MROH2A: variants seen among roughly 807,000 people sequenced by gnomAD.
MROH2A encodes maestro heat-like repeat-containing protein family member 2A.
In MROH2A, 174 loss-of-function variants were observed where a neutral mutation model predicts 200.4. The ratio of observed to expected loss-of-function variants is 0.87; its 90% CI spans 0.77 to 0.98. MROH2A has a LOEUF of 0.98. Among genes scored for constraint, MROH2A ranks in the 50% least tolerant of loss-of-function variants. The pLI, the probability that MROH2A is intolerant of heterozygous loss-of-function variation, is 0.00. For synonymous variants in MROH2A, 829 were observed against 840.4 expected (o/e 0.99, Z 0.23); for missense variants, 2,045 against 2,139.6 (o/e 0.96, Z 0.87).
intron 26 of MROH2A, among the ~76,000 whole-genome samples, chr2:233,815,472 C>A (rs540054892): frequency 2.0e-5 from 3 of 152,140 alleles, no homozygotes; most frequent in Admixed American, 6.5e-5. Flanking sequence ...TCTAAGAAAC[C>A]GTCCAAAGAT....
rs1240320299 is a variant in MROH2A, at chr2:233,823,679, C to G, written c.4113+15C>G. ...CAGCGGTCTGCGTGGAAATGAGGCA[C>G]CGGGTGTGGGCGGGGTGCAAGCGGA... On this transcript the variant is annotated intron_variant, in intron 35 of 41. Transcript: ENST00000389758. The G allele has an allele frequency of 7.0e-5, 108 of 1,547,846 alleles. No individual in the cohort carries two copies. The highest frequency in any genetic ancestry group is 8.2e-5 in the Non-Finnish European group (94 of 1,145,022).
chr2:233,807,341 C>T lies in MROH2A; in HGVS notation c.2053-82C>T, dbSNP rs768521925. 1.1e-5 allele frequency: 15 copies of T among 1,358,032 alleles called. No individual in the cohort carries two copies. The highest frequency in any genetic ancestry group is 3.0e-5 in the South Asian group (2 of 67,668). The allele number at this position is 1,358,032 out of a possible 1,614,324, so 84.1% of individuals were successfully genotyped here. ...GCACATTAAAATAAATTGAAAAATA[C>T]GTAGAAAACTCTCTACAACAGCACC... On this transcript the variant is annotated intron_variant, in intron 19 of 41. Coordinates refer to ENST00000389758, the MANE Select transcript of MROH2A (RefSeq NM_001394639.1). The surrounding 1 kb of genome is among the most constrained non-coding windows in gnomAD (Gnocchi z 4.3).
intron 24 of MROH2A, among the ~76,000 whole-genome samples, chr2:233,813,245 T>C (rs376347143): frequency 6.6e-6 from 1 of 150,962 alleles, no homozygotes; most frequent in Non-Finnish European, 1.5e-5. Context: ...CCATAGAATT[T>C]GTGTTTCTCA....
Position 233,807,917 on chromosome 2 carries a change from GAC to G in MROH2A, c.2295+66_2295+67del. The G allele has an allele frequency of 6.5e-7, 1 of 1,545,828 alleles. No individual in the cohort carries two copies. The highest frequency in any genetic ancestry group is 1.2e-5 in the South Asian group (1 of 83,776). ...CTCTTAGCACAGTGCTCTGGGCACT[GAC>G]ACAAAGTCCTTTCTAGATCTCAGTA... On this transcript the variant is annotated intron_variant, in intron 21 of 41. Transcript: ENST00000389758. This position sits in a 1 kb window ranked among gnomAD's most constrained non-coding sequence, Gnocchi z 4.3.
In MROH2A at chr2:233,807,305, A is replaced by C; in HGVS notation, c.2053-118A>C. On this transcript the variant is annotated intron_variant, in intron 19 of 41. Coordinates refer to ENST00000389758, the MANE Select transcript of MROH2A (RefSeq NM_001394639.1). This position sits in a 1 kb window ranked among gnomAD's most constrained non-coding sequence, Gnocchi z 4.3. Reference sequence around the variant, plus strand: ...ATTGTGCTGCTGTAAACGTGTGTGCAAGTATCTTCTGCACATTAAAATAAA... The same window carrying C: ...ATTGTGCTGCTGTAAACGTGTGTGCCAGTATCTTCTGCACATTAAAATAAA... 1 of 1,141,946 alleles carries C rather than the reference A, an allele frequency of 8.8e-7. No individual in the cohort carries two copies. Among genetic ancestry groups the C allele is most frequent in the Non-Finnish European group, 1.2e-6 (1 of 831,052 alleles). 70.7% of individuals were successfully genotyped at this position (1,141,946 alleles called of 1,614,324 possible).
At chr2:233,822,803 C>T (rs1453430159) in intron 33 of MROH2A, 78 bp from the exon 34 acceptor site, 1 of 1,516,558 alleles carries the variant, frequency 6.6e-7, no homozygotes, top group Non-Finnish European at 8.9e-7. Context: ...TGGGGCCCCA[C>T]TTCACAGATT....
chr2:233,792,913 C>T lies in MROH2A; in HGVS notation c.670+19C>T. The T allele has an allele frequency of 6.5e-7, 1 of 1,550,130 alleles. No homozygotes were observed. Among genetic ancestry groups the T allele is most frequent in the Non-Finnish European group, 8.7e-7 (1 of 1,146,850 alleles). ...TGCAGTGGTGAGTGTCCCACTTGAG[C>T]CTGCAGGTCTGGCTCGATCAGGGCG... On this transcript the variant is annotated intron_variant, in intron 6 of 41. Coordinates refer to ENST00000389758, the MANE Select transcript of MROH2A (RefSeq NM_001394639.1).
At chr2:233,831,941 C>G (rs1400667750) in intron 39 of MROH2A, among the ~76,000 whole-genome samples, 1 of 152,222 alleles carries the variant, frequency 6.6e-6, no homozygotes, top group Non-Finnish European at 1.5e-5. Context: ...TGCAGGGTTA[C>G]ACATGGCTTG....
intron 3 of MROH2A, among the ~76,000 whole-genome samples, chr2:233,784,286 C>A (rs4663336): frequency 0.63 from 95,606 of 151,892 alleles, 30,220 homozygotes; most frequent in Middle Eastern, 0.72. Flanking sequence ...TTCTTAATTT[C>A]TTTATTGAAC....
chr2:233,814,071 G>A (rs1429010765), intron 25 of MROH2A, among the ~76,000 whole-genome samples: 3 of 152,206 alleles, frequency 2.0e-5, no homozygotes, highest in Admixed American at 2.0e-4. Context: ...ACCCAGGCTG[G>A]TGGAGTCCTC....
At chr2:233,825,363 G>A (rs1016432375) in intron 35 of MROH2A, among the ~76,000 whole-genome samples, 4 of 152,154 alleles carry the variant, frequency 2.6e-5, no homozygotes, top group Non-Finnish European at 5.9e-5. Flanking sequence ...ACTATGTTGA[G>A]TAGGAGTGGT....
At position 233,826,180 on chromosome 2, in the gene MROH2A, C is replaced by T. The variant is rs555289800; in HGVS notation, c.4114-2450C>T. On this transcript the variant is annotated intron_variant, in intron 35 of 41. Transcript: ENST00000389758. ...CCTTGTGATTTGCCCGCCTCGGCCTCCCAAAGTGCTGGGATTACAGGCGTG... is the reference window on the plus strand; with the variant it reads ...CCTTGTGATTTGCCCGCCTCGGCCTTCCAAAGTGCTGGGATTACAGGCGTG... Among the ~76,000 whole-genome samples the T allele has an allele frequency of 6.6e-5, 10 of 152,282 alleles. No individual in the cohort carries two copies. The South Asian group carries it at 2.1e-3, about 32-fold the overall frequency.
chr2:233,786,021 A>G (rs549630002), intron 3 of MROH2A, among the ~76,000 whole-genome samples: 97 of 152,236 alleles, frequency 6.4e-4, no homozygotes, highest in Non-Finnish European at 1.1e-3. Flanking sequence ...ATTGGGAGAT[A>G]ATTGAATCAT....
At chr2:233,831,369 G>A in intron 38 of MROH2A, 40 bp from the exon 39 acceptor site, 1 of 1,520,828 alleles carries the variant, frequency 6.6e-7, no homozygotes, top group Non-Finnish European at 8.8e-7. Context: ...GAACCACGTG[G>A]CCTGGCTGAT....
At position 233,809,169 on chromosome 2, in the gene MROH2A, T is replaced by G. The variant is rs1173885212; in HGVS notation, c.2339T>G (p.Met780Arg). Residue 780 changes from methionine (M) to arginine (R), a missense_variant, in exon 22 of 42, where the codon ATG becomes AGG. Met to Arg is a moderately conservative substitution (Grantham distance 91). Around this residue, in one of 3 missense-constraint regions of MROH2A, gnomAD observed 1,201 missense variants for 1,311.3 expected, o/e 0.92. Transcript: ENST00000389758. ...WRRETVKSAL[M>R]VMYSCVASYC... is the part of the protein sequence containing the mutation. ...CGGGAGACAGTGAAAAGTGCCCTCA[T>G]GGTGATGTATAGCTGCGTGGCCTCC... 6.4e-7 allele frequency: 1 copy of G among 1,550,488 alleles called. No homozygotes were observed. The highest frequency in any genetic ancestry group is 1.4e-5 in the African/African-American group (1 of 73,142).
chr2:233,829,201 C>A, intron 37 of MROH2A, 129 bp downstream of exon 37: 2 of 849,112 alleles, frequency 2.4e-6, no homozygotes, highest in Non-Finnish European at 3.5e-6. Flanking sequence ...TAGCGACTGG[C>A]TGATCACGGG....
At position 233,781,704 on chromosome 2, in the gene MROH2A, T is replaced by G. The variant is rs369115938; in HGVS notation, c.276+1852T>G. On this transcript the variant is annotated intron_variant, in intron 3 of 41. Transcript: ENST00000389758. ...TCGCTTTGTTCACTGTTTCCTTTGC[T>G]GTGCATAAGTTTTTTGCTTGACATA... 5.0e-4 allele frequency among the ~76,000 whole-genome samples: 76 copies of G among 152,350 alleles called. 2 individuals carry two copies. The East Asian group carries it at 8.9e-3, about 18-fold the overall frequency.
chr2:233,783,307 A>G (rs558347006), intron 3 of MROH2A, among the ~76,000 whole-genome samples: 3 of 152,034 alleles, frequency 2.0e-5, no homozygotes, highest in African/African-American at 4.8e-5. Flanking sequence ...ATTTGCTTTT[A>G]TTTAATGTTT....
Position 233,779,527 on chromosome 2 carries a change from G to C in MROH2A, c.94+75G>C, listed in dbSNP as rs541714075. 4 of 1,408,632 alleles carry C rather than the reference G, an allele frequency of 2.8e-6. No homozygotes were observed. In the East Asian group the frequency reaches 9.9e-5, roughly 35 times the overall value. 87.3% of individuals were successfully genotyped at this position (1,408,632 alleles called of 1,614,324 possible). On this transcript the variant is annotated intron_variant, in intron 2 of 41. Transcript: ENST00000389758. ...ACTCTTTGACTGCAGCCCCAGCCTA[G>C]GTCTCCCTTTCTCCATCTGCACAGT...
Sources: allele counts gnomAD v4.1 joint callset (sites outside exome capture counted in the v4.1 genomes callset), GRCh38; gene constraint gnomAD v4.1.1; regional missense constraint gnomAD v4.1.1; non-coding constraint Gnocchi (gnomAD v3.1); transcripts MANE v1.5; gene names NCBI Gene and HGNC (gene_info 2026-07-23, HGNC 2026-07-21).